The following IGSF10 variants were observed in gnomAD, a reference collection of about 807,000 sequenced individuals.
The protein encoded by IGSF10 is immunoglobulin superfamily member 10, also known as calvaria mechanical force protein 608.
In IGSF10, 126 loss-of-function variants were observed where a neutral mutation model predicts 128.2. That is an observed-to-expected ratio of 0.98 (90% CI 0.85 to 1.14). IGSF10 has a LOEUF of 1.14. Among genes scored for constraint, IGSF10 ranks in the 50% most tolerant of loss-of-function variants. The probability of loss-of-function intolerance (pLI) is 0.00; values close to 1 mark genes in which losing one functional copy is unlikely to be tolerated. For missense variants in IGSF10, 3,295 were observed against 3,149.8 expected (o/e 1.05, Z -1.10); for synonymous variants, 1,185 against 1,146.2 (o/e 1.03, Z -0.68).
At chr3:151,504,338 G>A in the IGSF10 span, among the ~76,000 whole-genome samples, 4 of 152,082 alleles carry the variant, frequency 2.6e-5, no homozygotes, top group Non-Finnish European at 5.9e-5. Flanking sequence ...CATAGAGTTG[G>A]GAATGAGAAA....
rs778462370 is a variant in IGSF10 at position 151,437,868 on chromosome 3, G to C, written c.6693C>G (p.Val2231=). 1 of 1,614,086 alleles carries C rather than the reference G, an allele frequency of 6.2e-7. No individual in the cohort carries two copies. Among genetic ancestry groups the C allele is most frequent in the South Asian group, 1.1e-5 (1 of 91,070 alleles). ...DDTKMYKLDV[V]SKPPLINGLY... The stretch of plus-strand genomic sequence containing the variant: ...GACCATTGATTAATGGAGGTTTAGA[G>C]ACCACATCCAGTTTGTACATTTTGG... The change falls in exon 8 of 8, where the codon GTC becomes GTG. Residue 2231 remains valine, a synonymous_variant. Coordinates refer to ENST00000282466, the MANE Select transcript of IGSF10 (RefSeq NM_178822.5).
chr3:151,546,652 C>A, the IGSF10 span, among the ~76,000 whole-genome samples: 1 of 152,084 alleles, frequency 6.6e-6, no homozygotes, highest in Non-Finnish European at 1.5e-5. Context: ...TTTTTGGCAA[C>A]ATTATATACA....
the IGSF10 span, among the ~76,000 whole-genome samples, chr3:151,486,130 AAAAAC>A: frequency 3.9e-5 from 6 of 152,246 alleles, no homozygotes; most frequent in East Asian, 1.9e-4. Context: ...ATGGAAAGCA[AAAAAC>A]AAAACAAAAC....
At chr3:151,564,655 G>A in the IGSF10 span, among the ~76,000 whole-genome samples, 2 of 152,192 alleles carry the variant, frequency 1.3e-5, no homozygotes, top group African/African-American at 2.4e-5. Flanking sequence ...AGTTTGCTTT[G>A]CTTGATATCT....
At chr3:151,550,766 A>G in the IGSF10 span, among the ~76,000 whole-genome samples, 2 of 152,058 alleles carry the variant, frequency 1.3e-5, no homozygotes, top group African/African-American at 4.8e-5. Flanking sequence ...GCCAGCACCA[A>G]ATTAGATTGT....
chr3:151,506,163 C>G, the IGSF10 span, among the ~76,000 whole-genome samples: 1 of 152,130 alleles, frequency 6.6e-6, no homozygotes, highest in African/African-American at 2.4e-5. Context: ...CCATGTTGGC[C>G]AGGATGGTCT....
chr3:151,534,504 G>A, the IGSF10 span, among the ~76,000 whole-genome samples: 5 of 152,000 alleles, frequency 3.3e-5, no homozygotes, highest in South Asian at 2.1e-4. Context: ...GTCCTTTTCC[G>A]GGACATGGAT....
the IGSF10 span, among the ~76,000 whole-genome samples, chr3:151,486,033 G>A: frequency 9.4e-4 from 143 of 152,172 alleles, no homozygotes; most frequent in South Asian, 0.011. Context: ...AAGACCCATC[G>A]GTGTGTTGTA....
the IGSF10 span, among the ~76,000 whole-genome samples, chr3:151,614,403 A>G: frequency 6.6e-6 from 1 of 152,344 alleles, no homozygotes; most frequent in South Asian, 2.1e-4. Flanking sequence ...TCACACTAGC[A>G]AAGACTTGGA....
At chr3:151,586,783 G>C in the IGSF10 span, among the ~76,000 whole-genome samples, 1 of 152,064 alleles carries the variant, frequency 6.6e-6, no homozygotes, top group Non-Finnish European at 1.5e-5. Flanking sequence ...GAAATAAAAG[G>C]TGTCCTTGTT....
At chr3:151,509,847 G>A in the IGSF10 span, among the ~76,000 whole-genome samples, 2 of 152,212 alleles carry the variant, frequency 1.3e-5, no homozygotes, top group African/African-American at 4.8e-5. Context: ...ATGGCTCAGA[G>A]GGTCTTACAC....
At chr3:151,485,246 TA>T in the IGSF10 span, among the ~76,000 whole-genome samples, 4 of 150,970 alleles carry the variant, frequency 2.6e-5, no homozygotes, top group South Asian at 2.1e-4. Flanking sequence ...AAGACATGAT[TA>T]AAAAAAAAAG....
At chr3:151,494,038 T>A in the IGSF10 span, among the ~76,000 whole-genome samples, 5 of 152,090 alleles carry the variant, frequency 3.3e-5, no homozygotes, top group African/African-American at 9.6e-5. Flanking sequence ...AGTTCTGGAC[T>A]ATTACTGATG....
the IGSF10 span, among the ~76,000 whole-genome samples, chr3:151,473,567 C>T: frequency 6.6e-3 from 1,007 of 152,266 alleles, 10 homozygotes; most frequent in African/African-American, 0.023. Flanking sequence ...GGATTAAACC[C>T]AGTAGGGTCT....
chr3:151,462,669 A>T (rs547011274), upstream of IGSF10, among the ~76,000 whole-genome samples: 14 of 152,318 alleles, frequency 9.2e-5, no homozygotes, highest in African/African-American at 2.4e-4. Context: ...TGGCTGCCTC[A>T]CTTAGCTAAA....
At chr3:151,607,942 T>C in the IGSF10 span, among the ~76,000 whole-genome samples, 1 of 125,152 alleles carries the variant, frequency 8.0e-6, no homozygotes, top group African/African-American at 3.0e-5. Flanking sequence ...AAAAAAGAAA[T>C]GGGAACATGC....
At chr3:151,467,889 AAAAG>A in the IGSF10 span, among the ~76,000 whole-genome samples, 3 of 151,732 alleles carry the variant, frequency 2.0e-5, no homozygotes, top group Non-Finnish European at 4.4e-5. Flanking sequence ...CTCAAAAAAA[AAAAG>A]AAAAAAGAAA....
chr3:151,591,874 A>G, the IGSF10 span, among the ~76,000 whole-genome samples: 1 of 152,210 alleles, frequency 6.6e-6, no homozygotes, highest in Non-Finnish European at 1.5e-5. Context: ...AAATAAAAAC[A>G]CATCTTTCTC....
chr3:151,463,561 TC>T (rs767861667), upstream of IGSF10, among the ~76,000 whole-genome samples: 94 of 117,316 alleles, frequency 8.0e-4, 6 homozygotes, highest in African/African-American at 1.3e-3. Flanking sequence ...TTTTTTTTTT[TC>T]TGAGACGGAG....
Sources: allele counts gnomAD v4.1 joint callset (sites outside exome capture counted in the v4.1 genomes callset), GRCh38; gene constraint gnomAD v4.1.1; transcripts MANE v1.5; gene names NCBI Gene and HGNC (gene_info 2026-07-23, HGNC 2026-07-21).